HPF1: variants seen among roughly 807,000 people sequenced by gnomAD.
HPF1 encodes the protein histone PARylation factor 1.
In HPF1, 35 loss-of-function variants were observed where a neutral mutation model predicts 38.8. The ratio of observed to expected loss-of-function variants is 0.90; its 90% CI spans 0.69 to 1.19. The LOEUF (loss-of-function observed/expected upper bound fraction) is 1.19, where lower values mean the gene tolerates loss of function less well. HPF1 is among the 50% of genes most tolerant of loss of function. The pLI is 0.00. For missense variants in HPF1, 367 were observed against 405.8 expected (o/e 0.90, Z 0.82); for synonymous variants, 115 against 139.2 (o/e 0.83, Z 1.22).
chr4:169,743,468 T>C (rs1233251489), intron 4 of HPF1, among the ~76,000 whole-genome samples: 2 of 130,530 alleles, frequency 1.5e-5, no homozygotes, highest in African/African-American at 5.6e-5. Context: ...ATTATAACAC[T>C]AAAGGTCGAT....
intron 1 of HPF1, among the ~76,000 whole-genome samples, chr4:169,755,403 C>A (rs1349534640): frequency 6.6e-6 from 1 of 152,040 alleles, no homozygotes; most frequent in East Asian, 1.9e-4. Flanking sequence ...TAGAGAGGGC[C>A]AACTTTTCGT....
In HPF1 at chr4:169,748,739, C is replaced by T. The variant is rs1734080497; in HGVS notation, c.497+5G>A. 4.7e-6 allele frequency: 6 copies of T among 1,273,404 alleles called. No individual in the cohort carries two copies. The highest frequency in any genetic ancestry group is 2.5e-5 in the East Asian group (1 of 39,480). The allele number at this position is 1,273,404 out of a possible 1,614,324, so 78.9% of individuals were successfully genotyped here. On this transcript the variant is annotated splice_donor_5th_base_variant and intron_variant, in intron 4 of 7. Coordinates refer to ENST00000393381, the MANE Select transcript of HPF1 (RefSeq NM_017867.3). ...GTAAACAAATATAAATTAAAATATT[C>T]TTACTTGACTGCAGCAAATACATTA...
chr4:169,751,864 AT>A (rs1734123294), intron 2 of HPF1, among the ~76,000 whole-genome samples: 1 of 152,212 alleles, frequency 6.6e-6, no homozygotes, highest in Non-Finnish European at 1.5e-5. Flanking sequence ...TTAATAGTCT[AT>A]TATACAGTAA....
At chr4:169,743,732 A>G (rs1283727377) in intron 4 of HPF1, among the ~76,000 whole-genome samples, 1 of 152,024 alleles carries the variant, frequency 6.6e-6, no homozygotes, top group Non-Finnish European at 1.5e-5. Context: ...ACTTCCAGGA[A>G]GAAGGCTGAG....
intron 4 of HPF1, among the ~76,000 whole-genome samples, chr4:169,743,261 C>T (rs1734001950): frequency 1.3e-5 from 2 of 151,866 alleles, no homozygotes; most frequent in South Asian, 4.2e-4. Flanking sequence ...AGGTACATGC[C>T]ACCACGCCCA....
At chr4:169,743,094 CAA>C (rs60755557) in intron 4 of HPF1, among the ~76,000 whole-genome samples, 1 of 143,250 alleles carries the variant, frequency 7.0e-6, no homozygotes, top group Non-Finnish European at 1.5e-5. Context: ...AAGACTGCCT[CAA>C]AAAAAAAAAC....
chr4:169,735,128 A>C (rs1393760877), intron 6 of HPF1, among the ~76,000 whole-genome samples: 1 of 101,326 alleles, frequency 9.9e-6, no homozygotes, highest in Non-Finnish European at 1.8e-5. Flanking sequence ...ATTCCATCTC[A>C]AAAAAAAAAA....
intron 4 of HPF1, among the ~76,000 whole-genome samples, chr4:169,747,054 GAGAC>G (rs1440773494): frequency 6.8e-6 from 1 of 146,266 alleles, no homozygotes; most frequent in African/African-American, 2.5e-5. Flanking sequence ...TTTCGAAAAA[GAGAC>G]AGTCTCACTA....
chr4:169,731,974 G>T lies in HPF1; in HGVS notation c.737-98C>A, dbSNP rs1481762193. On this transcript the variant is annotated intron_variant, in intron 6 of 7. Coordinates refer to ENST00000393381, the MANE Select transcript of HPF1 (RefSeq NM_017867.3). The stretch of plus-strand genomic sequence containing the variant: ...TTATAAAGAGGGTTTTTCCTCCTAA[G>T]ACTTTGTACTAATACAACTTGTGCC... The T allele has an allele frequency of 6.3e-6, 6 of 957,324 alleles. No individual in the cohort carries two copies. In the East Asian group the frequency reaches 1.1e-4, roughly 17 times the overall value. 59.3% of individuals were successfully genotyped at this position (957,324 alleles called of 1,614,324 possible). A position where few individuals can be genotyped will look rare whatever the true frequency, so the allele number is the denominator to read the frequency against.
chr4:169,734,817 G>A (rs71622355), intron 6 of HPF1, among the ~76,000 whole-genome samples: 2,178 of 152,208 alleles, frequency 0.014, 23 homozygotes, highest in Non-Finnish European at 0.02. Flanking sequence ...TTCTTACTTC[G>A]GATAGTAGTA....
intron 1 of HPF1, among the ~76,000 whole-genome samples, chr4:169,754,896 G>A (rs925773602): frequency 3.3e-5 from 5 of 151,886 alleles, no homozygotes; most frequent in Non-Finnish European, 7.4e-5. Context: ...TGAGCTAGAT[G>A]TTTCTCATAT....
In HPF1 at chr4:169,731,863, T is replaced by G; in HGVS notation, c.750A>C (p.Arg250Ser). 1.9e-6 allele frequency: 3 copies of G among 1,612,350 alleles called. No homozygotes were observed. Among genetic ancestry groups the G allele is most frequent in the Non-Finnish European group, 2.5e-6 (3 of 1,178,560 alleles). The change falls in exon 7 of 8, where the codon AGA becomes AGC. Residue 250 changes from arginine to serine, a missense_variant. Transcript: ENST00000393381. The part of the protein sequence containing the change: ...ELPETDADLK[R>S]ICKTIVEAAS... Reference sequence around the variant, plus strand: ...CAGCCTCAACTATTGTCTTGCAAATTCTCTTGAGGTCAGCTGAAAGAAATC... The same window carrying G: ...CAGCCTCAACTATTGTCTTGCAAATGCTCTTGAGGTCAGCTGAAAGAAATC...
chr4:169,731,935 CA>C lies in HPF1; in HGVS notation c.737-60del, dbSNP rs1733835671. On this transcript the variant is annotated intron_variant, in intron 6 of 7. Transcript: ENST00000393381. Reference sequence around the variant, plus strand: ...CATAGTTAGAAAATGAATCAGTCTTCAAAAGTAAGAAGATTATAAAGAGGGT... The same window carrying C: ...CATAGTTAGAAAATGAATCAGTCTTCAAAGTAAGAAGATTATAAAGAGGGT... The C allele has an allele frequency of 2.9e-6, 4 of 1,377,140 alleles. No individual in the cohort carries two copies. The South Asian group carries it at 4.9e-5, about 17-fold the overall frequency. The allele number at this position is 1,377,140 out of a possible 1,614,324, so 85.3% of individuals were successfully genotyped here. A position where few individuals can be genotyped will look rare whatever the true frequency, so the allele number is the denominator to read the frequency against.
At chr4:169,739,950 G>T (rs1217551977) in intron 5 of HPF1, among the ~76,000 whole-genome samples, 23 of 152,216 alleles carry the variant, frequency 1.5e-4, no homozygotes, top group Admixed American at 1.2e-3. Context: ...ATTTTTCACA[G>T]ATGATTACCT....
intron 2 of HPF1, among the ~76,000 whole-genome samples, chr4:169,751,731 G>T (rs1673223338): frequency 6.6e-6 from 1 of 152,222 alleles, no homozygotes; most frequent in Non-Finnish European, 1.5e-5. Context: ...AACATGAATA[G>T]AAGCATGGAG....
chr4:169,734,324 T>C (rs1466098035), intron 6 of HPF1, among the ~76,000 whole-genome samples: 3 of 152,204 alleles, frequency 2.0e-5, no homozygotes, highest in Non-Finnish European at 4.4e-5. Flanking sequence ...CTGGGACCCT[T>C]AGAATCTCTC....
intron 6 of HPF1, among the ~76,000 whole-genome samples, chr4:169,737,340 A>G (rs1240731725): frequency 6.6e-6 from 1 of 151,872 alleles, no homozygotes; most frequent in African/African-American, 2.4e-5. Context: ...AATTTTGAAC[A>G]CTGAGGCAAG....
At position 169,742,205 on chromosome 4, in the gene HPF1, A is replaced by G. The variant is rs1733978969; in HGVS notation, c.498-98T>C. ...CCAAGGTAAAAATGTCAAATTCCAT[A>G]CAAGAATAAGTCCACAGAATAATTA... On this transcript the variant is annotated intron_variant, in intron 4 of 7. Coordinates refer to ENST00000393381, the MANE Select transcript of HPF1 (RefSeq NM_017867.3). The G allele has an allele frequency of 7.4e-6, 7 of 945,802 alleles. No homozygotes were observed. The South Asian group carries it at 9.7e-5, about 13-fold the overall frequency. 58.6% of individuals were successfully genotyped at this position (945,802 alleles called of 1,614,324 possible).
intron 6 of HPF1, among the ~76,000 whole-genome samples, chr4:169,734,023 C>A (rs1161765075): frequency 6.6e-6 from 1 of 152,198 alleles, no homozygotes; most frequent in African/African-American, 2.4e-5. Context: ...GCTGTTACCC[C>A]AGTCACAAAA....
Sources: gnomAD v4.1 joint callset for allele counts (sites outside exome capture counted in the v4.1 genomes callset) on GRCh38, gnomAD v4.1.1 for gene constraint, MANE v1.5 for transcripts, NCBI Gene and HGNC (gene_info 2026-07-23, HGNC 2026-07-21) for gene names.